SPTLC2: variants seen among roughly 807,000 people sequenced by gnomAD.
SPTLC2 encodes the protein serine palmitoyltransferase long chain base subunit 2, also known as serine palmitoyltransferase 2.
In SPTLC2, 21 loss-of-function variants were observed where a neutral mutation model predicts 62.0. The observed-to-expected ratio is 0.34, with a 90% CI of 0.24 to 0.49. The LOEUF (loss-of-function observed/expected upper bound fraction) is 0.49, where lower values mean the gene tolerates loss of function less well. Ranked by LOEUF, SPTLC2 falls within the 20% of genes least tolerant of loss-of-function variation. The pLI, the probability that SPTLC2 is intolerant of heterozygous loss-of-function variation, is 0.99. For synonymous variants in SPTLC2, 261 were observed against 261.8 expected (o/e 1.00, Z 0.03); for missense variants, 511 against 713.0 (o/e 0.72, Z 3.23).
chr14:77,578,727 A>G, intron 3 of SPTLC2: 2 of 456,930 alleles, frequency 4.4e-6, no homozygotes, highest in Non-Finnish European at 7.8e-6. Flanking sequence ...CTCAAAAAAT[A>G]AATAAGCCAA....
At position 77,576,036 on chromosome 14, in the gene SPTLC2, G is replaced by A. The variant is rs72683277; in HGVS notation, c.631+731C>T. Reference sequence around the variant, plus strand: ...CATACAGCCACCACTGAGTGCAACCGTGAGAGGAACCTTGGGTAAGAAGCA... The same window carrying A: ...CATACAGCCACCACTGAGTGCAACCATGAGAGGAACCTTGGGTAAGAAGCA... On this transcript the variant is annotated intron_variant, in intron 4 of 11. Transcript: ENST00000216484. 3.8e-3 allele frequency among the ~76,000 whole-genome samples: 574 copies of A among 152,338 alleles called. 2 individuals carry two copies. Among genetic ancestry groups the A allele is most frequent in the Non-Finnish European group, 6.4e-3 (432 of 68,030 alleles).
intron 9 of SPTLC2, among the ~76,000 whole-genome samples, chr14:77,534,095 T>A (rs1461114777): frequency 6.6e-6 from 1 of 151,446 alleles, no homozygotes; most frequent in East Asian, 1.9e-4. Flanking sequence ...GTGGTAGAGG[T>A]TGCAGTGAGC....
At chr14:77,601,138 T>C (rs1023415294) in intron 1 of SPTLC2, among the ~76,000 whole-genome samples, 1 of 152,182 alleles carries the variant, frequency 6.6e-6, no homozygotes, top group Admixed American at 6.5e-5. Context: ...TTTACGAGTA[T>C]ATATTGTCAG....
At chr14:77,512,720 T>C (rs1368775052) in intron 11 of SPTLC2, among the ~76,000 whole-genome samples, 1 of 152,204 alleles carries the variant, frequency 6.6e-6, no homozygotes, top group African/African-American at 2.4e-5. Flanking sequence ...TTGTCATCTC[T>C]CCCTTTTGTT....
At chr14:77,551,427 T>C (rs1460713856) in intron 9 of SPTLC2, among the ~76,000 whole-genome samples, 1 of 147,002 alleles carries the variant, frequency 6.8e-6, no homozygotes, top group East Asian at 2.0e-4. Context: ...ACAAGTGAAA[T>C]TATTGTCTCA....
At chr14:77,514,376 C>G (rs991255863) in intron 11 of SPTLC2, among the ~76,000 whole-genome samples, 1 of 152,122 alleles carries the variant, frequency 6.6e-6, no homozygotes, top group Admixed American at 6.5e-5. Flanking sequence ...TCAGACAAAT[C>G]GGTGTCATGT....
chr14:77,524,537 G>A (rs1292154155), intron 9 of SPTLC2, among the ~76,000 whole-genome samples: 6 of 152,032 alleles, frequency 3.9e-5, no homozygotes, highest in Admixed American at 1.3e-4. Context: ...GGAAATCAGT[G>A]TATCAAAGGG....
At chr14:77,555,617 C>G (rs1361664578) in intron 7 of SPTLC2, 98 bp from the exon 8 acceptor site, 1 of 1,206,076 alleles carries the variant, frequency 8.3e-7, no homozygotes, top group Non-Finnish European at 1.2e-6. Flanking sequence ...GAGTTTACTG[C>G]TTCTTTTTTT....
intron 9 of SPTLC2, among the ~76,000 whole-genome samples, chr14:77,534,371 T>C (rs1303871153): frequency 6.6e-6 from 1 of 152,170 alleles, no homozygotes; most frequent in Non-Finnish European, 1.5e-5. Context: ...TTCATATTGA[T>C]AAATTCACCA....
In SPTLC2 at chr14:77,614,430, C is replaced by A. The variant is rs191384012; in HGVS notation, c.132+2018G>T. Among the ~76,000 whole-genome samples, 826 of 152,172 alleles carry A rather than the reference C, an allele frequency of 5.4e-3. 6 individuals are homozygous for A. The highest frequency in any genetic ancestry group is 0.014 in the Middle Eastern group (4 of 294). ...CCGTAATCCCAGCACTCTGGGAGGC[C>A]GAGGCAGGCGGATCACGAGGTCAGG... is the stretch of plus-strand genomic sequence containing the variant. On this transcript the variant is annotated intron_variant, in intron 1 of 11. Coordinates refer to ENST00000216484, the MANE Select transcript of SPTLC2 (RefSeq NM_004863.4).
chr14:77,545,713 G>A (rs541195788), intron 9 of SPTLC2, among the ~76,000 whole-genome samples: 9 of 151,722 alleles, frequency 5.9e-5, no homozygotes, highest in African/African-American at 2.2e-4. Context: ...TCTGGGGGGA[G>A]AAAAGCAATT....
chr14:77,599,145 A>C lies in SPTLC2; in HGVS notation c.133-1765T>G, dbSNP rs574718087. ...ACTTTACTTTTGATCTCATAGATGA[A>C]AACTTTTTGCTTCTTGGTCAATTTT... is the stretch of plus-strand genomic sequence containing the variant. On this transcript the variant is annotated intron_variant, in intron 1 of 11. Transcript: ENST00000216484. Among the ~76,000 whole-genome samples, 11 of 152,318 alleles carry C rather than the reference A, an allele frequency of 7.2e-5. No individual in the cohort carries two copies. In the South Asian group the frequency reaches 1.7e-3, roughly 23 times the overall value.
chr14:77,547,530 A>T (rs1334230767), intron 9 of SPTLC2: 2 of 152,126 alleles, frequency 1.3e-5, no homozygotes, highest in African/African-American at 2.4e-5. Context: ...TCTGCATGGG[A>T]ATCTTGGAAT....
At chr14:77,580,977 T>A (rs775255536) in intron 2 of SPTLC2, among the ~76,000 whole-genome samples, 22 of 152,182 alleles carry the variant, frequency 1.4e-4, no homozygotes, top group Non-Finnish European at 2.6e-4. Flanking sequence ...AAAAATCAAG[T>A]CACAGCGGAG....
chr14:77,512,532 C>T (rs1264729809), intron 11 of SPTLC2, 129 bp from the exon 12 acceptor site: 2 of 1,360,122 alleles, frequency 1.5e-6, no homozygotes, highest in African/African-American at 1.4e-5. Flanking sequence ...AGTGCATTTA[C>T]AAGATCAGAC....
At chr14:77,539,483 C>CTTTGTTTTT (rs2079488339) in intron 9 of SPTLC2, among the ~76,000 whole-genome samples, 1 of 53,466 alleles carries the variant, frequency 1.9e-5, no homozygotes, top group Admixed American at 3.2e-4. Context: ...TCTTAAGAGG[C>CTTTGTTTTT]TTTTTTTTTT....
intron 5 of SPTLC2, among the ~76,000 whole-genome samples, chr14:77,569,859 T>TAAAATATAAAAATAAAATAATATATAA (rs369912632): frequency 1.4e-5 from 1 of 70,680 alleles, no homozygotes; most frequent in African/African-American, 4.2e-5. Context: ...TATATGTATA[T>TAAAATATAAAAATAAAATAATATATAA]AAATATATAA....
intron 1 of SPTLC2, among the ~76,000 whole-genome samples, chr14:77,601,027 G>A (rs997542676): frequency 1.2e-4 from 19 of 152,124 alleles, no homozygotes; most frequent in East Asian, 3.9e-4. Flanking sequence ...AAATTGTCTC[G>A]AAGGAGACAC....
At chr14:77,520,592 C>T (rs1306102665) in intron 10 of SPTLC2, among the ~76,000 whole-genome samples, 1 of 152,248 alleles carries the variant, frequency 6.6e-6, no homozygotes, top group Admixed American at 6.5e-5. Context: ...CTTTATTCTA[C>T]ATCTTCAGGG....
Sources: allele counts gnomAD v4.1 joint callset (sites outside exome capture counted in the v4.1 genomes callset), GRCh38; gene constraint gnomAD v4.1.1; transcripts MANE v1.5; gene names NCBI Gene and HGNC (gene_info 2026-07-23, HGNC 2026-07-21).